The following THEMIS variants were observed in gnomAD, a reference collection of about 807,000 sequenced individuals.
THEMIS encodes thymocyte selection associated, also known as protein THEMIS.
THEMIS carries 37 observed loss-of-function variants against 52.6 expected under a neutral mutation model. The observed-to-expected ratio is 0.70, with a 90% CI of 0.54 to 0.93. The LOEUF (loss-of-function observed/expected upper bound fraction) is 0.93, where lower values mean the gene tolerates loss of function less well. Ranked by LOEUF, THEMIS falls within the 40% of genes least tolerant of loss-of-function variation. The pLI is 0.00. For missense variants in THEMIS, 808 were observed against 763.1 expected, an observed-to-expected ratio of 1.06 and a Z score of -0.69; for synonymous variants, 292 against 272.7, an observed-to-expected ratio of 1.07 and a Z score of -0.70.
chr6:127,901,094 G>T (rs868796960), upstream of THEMIS: 1 of 609,248 alleles, frequency 1.6e-6, no homozygotes, highest in African/African-American at 1.9e-5. Flanking sequence ...ATGTGGGGAG[G>T]ACAATGAAGA....
chr6:127,848,595 T>C (rs1392761027), intron 2 of THEMIS, among the ~76,000 whole-genome samples: 1 of 152,144 alleles, frequency 6.6e-6, no homozygotes, highest in African/African-American at 2.4e-5. Context: ...TGTTGTTTCC[T>C]GACTTTTTAA....
intron 1 of THEMIS, among the ~76,000 whole-genome samples, chr6:127,907,255 A>C (rs1433184940): frequency 6.7e-6 from 1 of 148,890 alleles, no homozygotes; most frequent in Non-Finnish European, 1.5e-5. Flanking sequence ...TTGGTTCGTC[A>C]TTGAAAGGTT....
At chr6:127,867,211 T>A (rs931277153) in intron 1 of THEMIS, among the ~76,000 whole-genome samples, 1 of 152,048 alleles carries the variant, frequency 6.6e-6, no homozygotes, top group East Asian at 1.9e-4. Flanking sequence ...TCAACTGATA[T>A]GTTTGATTAT....
chr6:127,901,160 G>A (rs1161538399), upstream of THEMIS: 1 of 565,238 alleles, frequency 1.8e-6, no homozygotes, highest in Non-Finnish European at 3.2e-6. Context: ...TCACATTGTG[G>A]CTTCATTTCC....
chr6:127,861,678 G>A (rs746190760), intron 1 of THEMIS, among the ~76,000 whole-genome samples: 1 of 151,428 alleles, frequency 6.6e-6, no homozygotes, highest in Non-Finnish European at 1.5e-5. Flanking sequence ...AGCTACCTGG[G>A]GAGGCTGAGG....
intron 2 of THEMIS, 49 bp from the exon 3 acceptor site, chr6:127,829,983 T>A: frequency 7.1e-7 from 1 of 1,399,236 alleles, no homozygotes. Flanking sequence ...ACAATGAAAG[T>A]TCTCACAAGA....
At chr6:127,857,384 TGAGATGTGAAAGAGC>T (rs1324351585) in intron 1 of THEMIS, among the ~76,000 whole-genome samples, 142 of 145,026 alleles carry the variant, frequency 9.8e-4, no homozygotes, top group Non-Finnish European at 1.8e-3. Flanking sequence ...GAAAAGGCAC[TGAGATGTGAAAGAGC>T]CTGATACATT....
intron 4 of THEMIS, among the ~76,000 whole-genome samples, chr6:127,735,221 TG>T (rs1341272175): frequency 1.3e-5 from 2 of 151,910 alleles, no homozygotes; most frequent in African/African-American, 4.8e-5. Context: ...ACAACAAGAC[TG>T]AGCAAATGAA....
rs191502169 is a variant in THEMIS at position 127,752,241 on chromosome 6, A to C, written c.1759-32418T>G. On this transcript the variant is annotated intron_variant, in intron 4 of 5. Transcript: ENST00000368248. ...ATTTGCATATACAACCTAAATTTAC[A>C]CCTCGAGGAACTAGAAAAGAAGAAT... Among the ~76,000 whole-genome samples, 407 of 151,598 alleles carry C rather than the reference A, an allele frequency of 2.7e-3. 3 individuals are homozygous for C. The highest frequency in any genetic ancestry group is 2.9e-3 in the Non-Finnish European group (194 of 67,596).
At chr6:127,784,951 CTATCTATCTAT>C (rs1776874839) in intron 4 of THEMIS, among the ~76,000 whole-genome samples, 1 of 7,106 alleles carries the variant, frequency 1.4e-4, no homozygotes, top group Non-Finnish European at 4.6e-4. Context: ...GGCAGTCACA[CTATCTATCTAT>C]CTATCTATCT....
chr6:127,765,689 TAC>T (rs1218472721), intron 4 of THEMIS, among the ~76,000 whole-genome samples: 1 of 152,038 alleles, frequency 6.6e-6, no homozygotes, highest in African/African-American at 2.4e-5. Flanking sequence ...TAAGTTTAGA[TAC>T]ACAATACTTA....
intron 1 of THEMIS, among the ~76,000 whole-genome samples, chr6:127,893,779 C>T (rs932011624): frequency 2.6e-5 from 4 of 152,082 alleles, no homozygotes; most frequent in African/African-American, 9.7e-5. Context: ...ATCATCACCA[C>T]AGGACGGGTG....
intron 4 of THEMIS, among the ~76,000 whole-genome samples, chr6:127,808,071 C>A (rs1408912832): frequency 6.6e-6 from 1 of 152,156 alleles, no homozygotes; most frequent in Non-Finnish European, 1.5e-5. Flanking sequence ...TATGGGTGTT[C>A]TTGTCCGACA....
Position 127,719,695 on chromosome 6 carries a change from T to C in THEMIS, c.1887A>G (p.Ala629=). 6.2e-7 allele frequency: 1 copy of C among 1,611,038 alleles called. No homozygotes were observed. Among genetic ancestry groups the C allele is most frequent in the Admixed American group, 1.7e-5 (1 of 59,572 alleles). Residue 629 remains alanine, a synonymous_variant, in exon 5 of 6, where the codon GCA becomes GCG. Transcript: ENST00000368248. ...CTATAGTCACATCAGTACCTGCTATTGCTGTGGCCCCACGGTTGCTCCTTT... is the reference window on the plus strand; with the variant it reads ...CTATAGTCACATCAGTACCTGCTATCGCTGTGGCCCCACGGTTGCTCCTTT... ...EKERSNRGAT[A]IAETFKNEKH...
chr6:127,753,457 T>G (rs1233269916), intron 4 of THEMIS, among the ~76,000 whole-genome samples: 2 of 152,042 alleles, frequency 1.3e-5, no homozygotes, highest in Non-Finnish European at 2.9e-5. Flanking sequence ...TAACCAAGTA[T>G]GTGAAAGATC....
At chr6:127,847,372 C>T (rs1053528022) in intron 2 of THEMIS, among the ~76,000 whole-genome samples, 2 of 151,844 alleles carry the variant, frequency 1.3e-5, no homozygotes, top group African/African-American at 2.4e-5. Flanking sequence ...TATCATCGTA[C>T]ATCTAGAAAA....
At chr6:127,722,817 T>C (rs1774408712) in intron 4 of THEMIS, among the ~76,000 whole-genome samples, 1 of 152,016 alleles carries the variant, frequency 6.6e-6, no homozygotes, top group African/African-American at 2.4e-5. Flanking sequence ...GCATTTTTCA[T>C]AAAAAGGCTT....
intron 2 of THEMIS, among the ~76,000 whole-genome samples, chr6:127,841,182 G>T (rs1278442125): frequency 6.6e-6 from 1 of 152,008 alleles, no homozygotes; most frequent in Non-Finnish European, 1.5e-5. Flanking sequence ...GGTGGGGGAG[G>T]CTGCCATATA....
intron 4 of THEMIS, among the ~76,000 whole-genome samples, chr6:127,792,282 C>T (rs1363627539): frequency 6.6e-6 from 1 of 152,156 alleles, no homozygotes. Flanking sequence ...TCTTAAATAG[C>T]TTTTACAGCA....
Sources: gnomAD v4.1 joint callset for allele counts (sites outside exome capture counted in the v4.1 genomes callset) on GRCh38, gnomAD v4.1.1 for gene constraint, MANE v1.5 for transcripts, NCBI Gene and HGNC (gene_info 2026-07-23, HGNC 2026-07-21) for gene names.